CHN2: variants seen among roughly 807,000 people sequenced by gnomAD.
The protein encoded by CHN2 is chimerin 2.
CHN2 carries 35 observed loss-of-function variants against 56.3 expected under a neutral mutation model. The observed-to-expected ratio is 0.62, with a 90% CI of 0.47 to 0.82. The LOEUF is 0.82. CHN2 is among the 40% of genes least tolerant of loss of function. The pLI, the probability that CHN2 is intolerant of heterozygous loss-of-function variation, is 0.00. For missense variants in CHN2, 491 were observed against 580.5 expected (o/e 0.85, Z 1.58); for synonymous variants, 210 against 212.8 (o/e 0.99, Z 0.12).
chr7:29,495,688 G>A (rs1379466208), intron 7 of CHN2, among the ~76,000 whole-genome samples: 1 of 152,202 alleles, frequency 6.6e-6, no homozygotes, highest in Non-Finnish European at 1.5e-5. Flanking sequence ...GGTGGTCACA[G>A]TCTTACTCCT....
intron 6 of CHN2, among the ~76,000 whole-genome samples, chr7:29,474,090 G>A (rs926758835): frequency 2.6e-5 from 4 of 152,102 alleles, no homozygotes; most frequent in Non-Finnish European, 5.9e-5. Context: ...ATTTTGGTGT[G>A]TTTTCTTCTG....
intron 1 of CHN2, among the ~76,000 whole-genome samples, chr7:29,324,097 G>A (rs893117428): frequency 6.6e-6 from 1 of 152,140 alleles, no homozygotes; most frequent in Non-Finnish European, 1.5e-5. Flanking sequence ...GGAGGTGGGG[G>A]GCGGGCACAG....
intron 1 of CHN2, among the ~76,000 whole-genome samples, chr7:29,321,732 A>C (rs1402033424): frequency 6.6e-6 from 1 of 151,840 alleles, no homozygotes; most frequent in Non-Finnish European, 1.5e-5. Context: ...CACCATGCCA[A>C]GCTAATTTCA....
chr7:29,482,718 A>G (rs1787405646), intron 7 of CHN2, among the ~76,000 whole-genome samples: 1 of 151,242 alleles, frequency 6.6e-6, no homozygotes, highest in Non-Finnish European at 1.5e-5. Flanking sequence ...TATAGTAAGC[A>G]GTCAATAAAA....
At chr7:29,227,211 T>A (rs928243408) in intron 1 of CHN2, among the ~76,000 whole-genome samples, 2 of 152,230 alleles carry the variant, frequency 1.3e-5, no homozygotes, top group Admixed American at 6.5e-5. Flanking sequence ...GGCAGCTTAT[T>A]GAGAAGATGT....
chr7:29,285,171 C>T (rs1284456544), intron 1 of CHN2, among the ~76,000 whole-genome samples: 1 of 152,196 alleles, frequency 6.6e-6, no homozygotes, highest in African/African-American at 2.4e-5. Context: ...TTTCCCTCTA[C>T]AACATCCTGA....
At chr7:29,442,919 A>C (rs1245671399) in intron 6 of CHN2, among the ~76,000 whole-genome samples, 1 of 129,844 alleles carries the variant, frequency 7.7e-6, no homozygotes, top group Non-Finnish European at 1.6e-5. Flanking sequence ...CATCGCTTTC[A>C]ATTTCATTGA....
rs1285661126 is a variant in CHN2 at position 29,437,327 on chromosome 7, G to A, written c.576+36499G>A. 3.5e-5 allele frequency among the ~76,000 whole-genome samples: 3 copies of A among 84,642 alleles called. 1 individual carries two copies. The highest frequency in any genetic ancestry group is 1.0e-4 in the Admixed American group (1 of 9,542). The allele number at this position is 84,642 out of a possible 152,430, so 55.5% of individuals were successfully genotyped here. A position where few individuals can be genotyped will look rare whatever the true frequency, so the allele number is the denominator to read the frequency against. On this transcript the variant is annotated intron_variant, in intron 6 of 12. Transcript: ENST00000222792. ...AAGATATCTAAAACCGGCTGGGCGC[G>A]GTGGCTCACGCCTGTAATCCCAGCA...
At chr7:29,352,560 A>T (rs1438036267) in intron 1 of CHN2, among the ~76,000 whole-genome samples, 3 of 151,870 alleles carry the variant, frequency 2.0e-5, no homozygotes, top group Non-Finnish European at 2.9e-5. Flanking sequence ...CATCTCTATT[A>T]AAAAATACAA....
intron 1 of CHN2, among the ~76,000 whole-genome samples, chr7:29,240,815 C>CG (rs1357741762): frequency 1.4e-3 from 187 of 130,660 alleles, no homozygotes; most frequent in Admixed American, 3.3e-3. Context: ...TCTTCTTCTT[C>CG]TTCGTCGTCG....
At chr7:29,338,634 A>C (rs1447954990) in intron 1 of CHN2, among the ~76,000 whole-genome samples, 6 of 152,164 alleles carry the variant, frequency 3.9e-5, no homozygotes, top group African/African-American at 1.4e-4. Context: ...GCTGGAGTGC[A>C]GTGATGCGAT....
Position 29,213,428 on chromosome 7 carries a change from G to A in CHN2, c.49+18438G>A, listed in dbSNP as rs1315285820. Among the ~76,000 whole-genome samples, 6 of 152,256 alleles carry A rather than the reference G, an allele frequency of 3.9e-5. 1 individual carries two copies. The Middle Eastern group carries it at 0.01, about 259-fold the overall frequency. On this transcript the variant is annotated intron_variant, in intron 1 of 12. Coordinates refer to ENST00000222792, the MANE Select transcript of CHN2 (RefSeq NM_004067.4). ...TTTTTTTCCTATTGGATCTTCCGGA[G>A]AAAAGACGTTTTAATAACCTTGGCT... is the stretch of plus-strand genomic sequence containing the variant.
chr7:29,438,933 A>C (rs1008828652), intron 6 of CHN2, among the ~76,000 whole-genome samples: 1 of 152,218 alleles, frequency 6.6e-6, no homozygotes, highest in Non-Finnish European at 1.5e-5. Context: ...AGAGGCACTG[A>C]TACTGTTTTC....
At chr7:29,427,535 T>C (rs1229878779) in intron 6 of CHN2, among the ~76,000 whole-genome samples, 1 of 152,202 alleles carries the variant, frequency 6.6e-6, no homozygotes, top group Non-Finnish European at 1.5e-5. Flanking sequence ...CTACCTCGCT[T>C]CCATAGTCTT....
At chr7:29,271,735 C>G (rs1790662326) in intron 1 of CHN2, among the ~76,000 whole-genome samples, 1 of 152,178 alleles carries the variant, frequency 6.6e-6, no homozygotes, top group African/African-American at 2.4e-5. Flanking sequence ...TCTTTGGTGG[C>G]CTTGCCTTTT....
intron 1 of CHN2, among the ~76,000 whole-genome samples, chr7:29,330,665 A>C (rs1796144896): frequency 6.6e-6 from 1 of 152,214 alleles, no homozygotes; most frequent in African/African-American, 2.4e-5. Flanking sequence ...CCATAATTGC[A>C]GCTGTGTGCA....
At chr7:29,240,371 A>G (rs756560027) in intron 1 of CHN2, among the ~76,000 whole-genome samples, 1 of 152,212 alleles carries the variant, frequency 6.6e-6, no homozygotes, top group Non-Finnish European at 1.5e-5. Flanking sequence ...TCCATCTCTT[A>G]GGTGAGACAG....
intron 6 of CHN2, among the ~76,000 whole-genome samples, chr7:29,416,694 A>G (rs915704072): frequency 1.3e-5 from 2 of 152,242 alleles, no homozygotes; most frequent in Admixed American, 6.5e-5. Context: ...AGTTAAGTAT[A>G]TAAGGCAACT....
At position 29,349,854 on chromosome 7, in the gene CHN2, G is replaced by A. The variant is rs1310863358; in HGVS notation, c.50-4771G>A. On this transcript the variant is annotated intron_variant, in intron 1 of 12. Transcript: ENST00000222792. ...TTCTTGTTCTACTTCCTCCCCTTTCGTTATTTCTTCAAAATGTTTAACAAA... is the reference window on the plus strand; with the variant it reads ...TTCTTGTTCTACTTCCTCCCCTTTCATTATTTCTTCAAAATGTTTAACAAA... 4.6e-5 allele frequency among the ~76,000 whole-genome samples: 7 copies of A among 151,620 alleles called. No individual in the cohort carries two copies. The East Asian group carries it at 7.7e-4, about 17-fold the overall frequency.
Sources: allele counts gnomAD v4.1 joint callset (sites outside exome capture counted in the v4.1 genomes callset), GRCh38; gene constraint gnomAD v4.1.1; transcripts MANE v1.5; gene names NCBI Gene and HGNC (gene_info 2026-07-23, HGNC 2026-07-21).